The following GRIN2A variants were observed in gnomAD, a reference collection of about 807,000 sequenced individuals.
GRIN2A encodes glutamate receptor ionotropic, NMDA 2A.
Under a neutral mutation model 113.4 loss-of-function variants are expected in GRIN2A, and 22 were observed. That is an observed-to-expected ratio of 0.19 (90% CI 0.14 to 0.28). The LOEUF is 0.28. Among genes scored for constraint, GRIN2A ranks in the 10% least tolerant of loss-of-function variants. GRIN2A has a pLI of 1.00. For synonymous variants in GRIN2A, 827 were observed against 738.4 expected, an observed-to-expected ratio of 1.12 and a Z score of -1.94; for missense variants, 1,502 against 1,887.0, an observed-to-expected ratio of 0.80 and a Z score of 3.78.
intron 4 of GRIN2A, among the ~76,000 whole-genome samples, chr16:9,888,530 T>C (rs1373579653): frequency 2.0e-5 from 3 of 152,058 alleles, no homozygotes; most frequent in Admixed American, 6.5e-5. Context: ...TTAAAAAGAT[T>C]TTCCTTTTCC....
chr16:9,946,886 C>T lies in GRIN2A; in HGVS notation c.415-8335G>A, dbSNP rs142986998. 2.4e-3 allele frequency among the ~76,000 whole-genome samples: 365 copies of T among 152,268 alleles called. 2 individuals carry two copies. The highest frequency in any genetic ancestry group is 0.017 in the Middle Eastern group (5 of 294). ...TCGAGAGTTACCAAGTTCTGATATC[C>T]ATGTTGAACACCTTGTTCAAGCCAC... On this transcript the variant is annotated intron_variant, in intron 2 of 12. Transcript: ENST00000330684.
intron 2 of GRIN2A, among the ~76,000 whole-genome samples, chr16:10,099,888 G>A (rs917148559): frequency 1.2e-4 from 19 of 152,240 alleles, no homozygotes; most frequent in Non-Finnish European, 2.9e-5. Flanking sequence ...GGATATAACA[G>A]TGAAGATGGA....
At chr16:10,044,238 T>A (rs1241866364) in intron 2 of GRIN2A, among the ~76,000 whole-genome samples, 1 of 151,980 alleles carries the variant, frequency 6.6e-6, no homozygotes, top group Non-Finnish European at 1.5e-5. Flanking sequence ...TTCACAATGT[T>A]GGCCAGGCTG....
chr16:9,926,356 C>T (rs550798772), intron 3 of GRIN2A, among the ~76,000 whole-genome samples: 8 of 152,194 alleles, frequency 5.3e-5, no homozygotes, highest in Non-Finnish European at 1.0e-4. Context: ...ATTAGAGGCG[C>T]CTCTCCAATC....
chr16:10,123,477 A>G (rs888593257), intron 2 of GRIN2A, among the ~76,000 whole-genome samples: 2 of 152,224 alleles, frequency 1.3e-5, no homozygotes, highest in Non-Finnish European at 2.9e-5. Flanking sequence ...AAGATACTGA[A>G]GTCGCACGTT....
intron 4 of GRIN2A, among the ~76,000 whole-genome samples, chr16:9,859,961 G>GCT (rs1186842546): frequency 5.9e-5 from 9 of 151,582 alleles, no homozygotes; most frequent in African/African-American, 2.2e-4. Flanking sequence ...AAGCCCTGGG[G>GCT]CTACGGTGGT....
At chr16:9,838,810 G>A (rs1214820681) in intron 7 of GRIN2A, among the ~76,000 whole-genome samples, 1 of 152,062 alleles carries the variant, frequency 6.6e-6, no homozygotes, top group East Asian at 1.9e-4. Flanking sequence ...TTTCAAGAAT[G>A]GAAAATCTAA....
intron 2 of GRIN2A, among the ~76,000 whole-genome samples, chr16:10,156,352 C>G (rs2049694322): frequency 6.6e-6 from 1 of 152,214 alleles, no homozygotes; most frequent in African/African-American, 2.4e-5. Flanking sequence ...CTGTCACTTC[C>G]TATTAGACAA....
intron 2 of GRIN2A, among the ~76,000 whole-genome samples, chr16:9,959,580 G>A (rs151040459): frequency 1.3e-3 from 194 of 152,312 alleles, no homozygotes; most frequent in African/African-American, 4.2e-3. Flanking sequence ...AGGAGTCGCC[G>A]TTCTGACTTA....
chr16:10,046,341 T>C (rs1020402924), intron 2 of GRIN2A, among the ~76,000 whole-genome samples: 1 of 143,432 alleles, frequency 7.0e-6, no homozygotes, highest in Admixed American at 7.1e-5. Context: ...TTTTTTTTTT[T>C]CTTAAAGCCA....
At chr16:9,906,436 C>T (rs1453180808) in intron 3 of GRIN2A, among the ~76,000 whole-genome samples, 1 of 152,130 alleles carries the variant, frequency 6.6e-6, no homozygotes, top group African/African-American at 2.4e-5. Flanking sequence ...CTTTCATTTC[C>T]TGATAATAGA....
intron 2 of GRIN2A, among the ~76,000 whole-genome samples, chr16:10,021,746 T>C (rs1389866828): frequency 2.0e-5 from 3 of 151,602 alleles, no homozygotes; most frequent in Non-Finnish European, 4.4e-5. Flanking sequence ...TTGTCTCCCC[T>C]GTCAGGGGAG....
intron 3 of GRIN2A, among the ~76,000 whole-genome samples, chr16:9,900,879 G>GA (rs892034639): frequency 4.6e-5 from 7 of 152,124 alleles, no homozygotes; most frequent in South Asian, 2.1e-4. Context: ...CAAATGAGCA[G>GA]AAAAAAATGT....
intron 2 of GRIN2A, among the ~76,000 whole-genome samples, chr16:10,147,506 C>T (rs1248279026): frequency 7.0e-6 from 1 of 143,524 alleles, no homozygotes; most frequent in African/African-American, 2.6e-5. Flanking sequence ...CATGGTGGTA[C>T]ACACCTGTGG....
At chr16:9,858,042 C>T (rs1305899243) in intron 4 of GRIN2A, among the ~76,000 whole-genome samples, 1 of 151,792 alleles carries the variant, frequency 6.6e-6, no homozygotes, top group African/African-American at 2.4e-5. Flanking sequence ...CCTAATTTAA[C>T]GAATAGGCAC....
chr16:9,837,984 G>A (rs2042610545), intron 7 of GRIN2A, among the ~76,000 whole-genome samples: 1 of 152,138 alleles, frequency 6.6e-6, no homozygotes, highest in African/African-American at 2.4e-5. Context: ...TAAATCCATA[G>A]CGCTCTGAAT....
At chr16:10,111,546 G>A (rs576823486) in intron 2 of GRIN2A, 4 of 785,572 alleles carry the variant, frequency 5.1e-6, no homozygotes, top group Admixed American at 3.4e-5. Context: ...CTTCAGCCCT[G>A]ACCCGGAAGA....
At chr16:9,873,287 T>G (rs2043300955) in intron 4 of GRIN2A, among the ~76,000 whole-genome samples, 1 of 152,260 alleles carries the variant, frequency 6.6e-6, no homozygotes, top group South Asian at 2.1e-4. Flanking sequence ...AGCCCTGACA[T>G]CACCACTATA....
chr16:9,955,908 G>T (rs541035209), intron 2 of GRIN2A, among the ~76,000 whole-genome samples: 11 of 152,172 alleles, frequency 7.2e-5, no homozygotes, highest in Non-Finnish European at 1.5e-4. Context: ...TATCACCTTT[G>T]GGCAGAAATC....
Sources: allele counts gnomAD v4.1 joint callset (sites outside exome capture counted in the v4.1 genomes callset), GRCh38; gene constraint gnomAD v4.1.1; transcripts MANE v1.5; gene names NCBI Gene and HGNC (gene_info 2026-07-23, HGNC 2026-07-21).